Variants in CDC42EP3 observed in about 807,000 individuals in gnomAD.
CDC42EP3 encodes CDC42 effector protein 3, also known as CDC42 effector protein (Rho GTPase binding) 3.
In CDC42EP3, 4 loss-of-function variants were observed where a neutral mutation model predicts 15.5. The ratio of observed to expected loss-of-function variants is 0.26; its 90% CI spans 0.13 to 0.59. CDC42EP3 has a LOEUF of 0.59. Among genes scored for constraint, CDC42EP3 ranks in the 20% least tolerant of loss-of-function variants. The pLI is 0.89. For missense variants in CDC42EP3, 309 were observed against 311.2 expected (o/e 0.99, Z 0.05); for synonymous variants, 145 against 130.3 (o/e 1.11, Z -0.77).
intron 1 of CDC42EP3, among the ~76,000 whole-genome samples, chr2:37,662,851 C>T (rs1319677099): frequency 1.3e-5 from 2 of 152,300 alleles, no homozygotes; most frequent in African/African-American, 2.4e-5. Flanking sequence ...CCAGTTCAAC[C>T]CATGGGAAGC....
intron 1 of CDC42EP3, among the ~76,000 whole-genome samples, chr2:37,660,935 T>TCCATATGGGAAGTC (rs1666037571): frequency 6.6e-6 from 1 of 152,144 alleles, no homozygotes; most frequent in Admixed American, 6.5e-5. Context: ...GGAAGGGACT[T>TCCATATGGGAAGTC]CATACCATAT....
At chr2:37,647,900 C>T (rs1417036952) in intron 1 of CDC42EP3, among the ~76,000 whole-genome samples, 1 of 152,128 alleles carries the variant, frequency 6.6e-6, no homozygotes, top group East Asian at 1.9e-4. Context: ...ATCTTTTCCC[C>T]AGTTGAGCCT....
intron 1 of CDC42EP3, among the ~76,000 whole-genome samples, chr2:37,653,776 A>T (rs3731851): frequency 0.34 from 51,427 of 151,754 alleles, 10,688 homozygotes; most frequent in East Asian, 0.57. Flanking sequence ...AAAAAAAAAA[A>T]TTGCATCCTG....
chr2:37,669,026 C>A (rs927148998), intron 1 of CDC42EP3, among the ~76,000 whole-genome samples: 5 of 151,994 alleles, frequency 3.3e-5, no homozygotes, highest in African/African-American at 1.2e-4. Flanking sequence ...AAAAGAAATA[C>A]AGGTTCACAG....
At chr2:37,660,892 G>T (rs1482172862) in intron 1 of CDC42EP3, among the ~76,000 whole-genome samples, 2 of 152,100 alleles carry the variant, frequency 1.3e-5, no homozygotes, top group Non-Finnish European at 2.9e-5. Context: ...CTGTCAAAGG[G>T]AAATGGAAGG....
intron 1 of CDC42EP3, among the ~76,000 whole-genome samples, chr2:37,661,153 T>C (rs986234983): frequency 6.6e-6 from 1 of 151,648 alleles, no homozygotes; most frequent in Admixed American, 6.6e-5. Flanking sequence ...TGTGTGTATA[T>C]ATATATACAC....
intron 1 of CDC42EP3, among the ~76,000 whole-genome samples, chr2:37,670,618 C>G (rs1256436949): frequency 6.6e-6 from 1 of 152,130 alleles, no homozygotes; most frequent in Non-Finnish European, 1.5e-5. Flanking sequence ...GTCCCAGCCA[C>G]AGCCTGGCTC....
chr2:37,657,001 C>CCGCCG (rs1553317252), intron 1 of CDC42EP3, among the ~76,000 whole-genome samples: 2 of 103,212 alleles, frequency 1.9e-5, no homozygotes, highest in African/African-American at 8.5e-5. Context: ...CCCCCCGCCC[C>CCGCCG]CCGCCATCCT....
At chr2:37,659,456 G>C (rs1169006925) in intron 1 of CDC42EP3, among the ~76,000 whole-genome samples, 3 of 152,178 alleles carry the variant, frequency 2.0e-5, no homozygotes, top group African/African-American at 7.2e-5. Flanking sequence ...AATTCTACAG[G>C]ACCATACAGA....
chr2:37,647,011 C>T (rs370077904), intron 1 of CDC42EP3, among the ~76,000 whole-genome samples, 189 bp from the exon 2 acceptor site: 4 of 152,316 alleles, frequency 2.6e-5, no homozygotes, highest in South Asian at 4.1e-4. Context: ...ACCTAAAAAC[C>T]CCATATCTAT....
At chr2:37,649,948 T>A (rs935199631) in intron 1 of CDC42EP3, among the ~76,000 whole-genome samples, 5 of 152,162 alleles carry the variant, frequency 3.3e-5, no homozygotes, top group African/African-American at 1.2e-4. Context: ...AATATTTACA[T>A]CATATTTACT....
In CDC42EP3 at chr2:37,643,310, A is replaced by G. The variant is rs1437159454; in HGVS notation, c.*2513T>C. The G allele has an allele frequency of 6.6e-6, 1 of 152,240 alleles. No homozygotes were observed. The highest frequency in any genetic ancestry group is 2.4e-5 in the African/African-American group (1 of 41,444). The allele number at this position is 152,240 out of a possible 1,614,324, so 9.4% of individuals were successfully genotyped here. ...AGTCCACCTGCTCTCAGGGGAAGGG[A>G]CCAGGCATTGGAAAGGCTGCCTCGG... On this transcript the variant is annotated 3_prime_UTR_variant, in exon 2 of 2. Transcript: ENST00000295324.
At chr2:37,648,693 C>T (rs749618224) in intron 1 of CDC42EP3, among the ~76,000 whole-genome samples, 43 of 152,236 alleles carry the variant, frequency 2.8e-4, no homozygotes, top group Admixed American at 1.2e-3. Context: ...TCCTGACACT[C>T]GTTCTCATAG....
Position 37,662,264 on chromosome 2 carries a change from G to C in CDC42EP3, c.-236+9162C>G, listed in dbSNP as rs184472297. 9.2e-5 allele frequency among the ~76,000 whole-genome samples: 14 copies of C among 152,222 alleles called. No homozygotes were observed. The East Asian group carries it at 2.7e-3, about 29-fold the overall frequency. On this transcript the variant is annotated intron_variant, in intron 1 of 1. Transcript: ENST00000295324. ...GTGTCCCCATCTGTGAAGTGCAAAT[G>C]GCAAAGGTGGGAGTCTTCCTGGGTA...
chr2:37,654,990 A>G (rs1424835090), intron 1 of CDC42EP3, among the ~76,000 whole-genome samples: 1 of 152,230 alleles, frequency 6.6e-6, no homozygotes, highest in East Asian at 1.9e-4. Context: ...TGTAACCAGA[A>G]GCACCCAGTA....
intron 1 of CDC42EP3, among the ~76,000 whole-genome samples, chr2:37,652,937 G>T (rs1250731104): frequency 1.3e-5 from 2 of 152,032 alleles, no homozygotes; most frequent in African/African-American, 4.8e-5. Flanking sequence ...ACAGACAAAG[G>T]TTCTTATAGT....
At chr2:37,646,982 G>GA (rs1331966220) in intron 1 of CDC42EP3, among the ~76,000 whole-genome samples, 160 bp from the exon 2 acceptor site, 1 of 152,164 alleles carries the variant, frequency 6.6e-6, no homozygotes, top group Non-Finnish European at 1.5e-5. Context: ...TCATCTTAGA[G>GA]AAAACAGGAA....
intron 1 of CDC42EP3, among the ~76,000 whole-genome samples, chr2:37,657,718 C>T (rs1413824224): frequency 6.6e-6 from 1 of 152,194 alleles, no homozygotes; most frequent in East Asian, 1.9e-4. Context: ...CTGTCTACAG[C>T]TCAGTGGGGT....
chr2:37,665,709 T>C (rs1666227934), intron 1 of CDC42EP3, among the ~76,000 whole-genome samples: 1 of 152,208 alleles, frequency 6.6e-6, no homozygotes, highest in South Asian at 2.1e-4. Flanking sequence ...ATGTGGAAGC[T>C]GTCTAAATAG....
Sources: gnomAD v4.1 joint callset for allele counts (sites outside exome capture counted in the v4.1 genomes callset) on GRCh38, gnomAD v4.1.1 for gene constraint, MANE v1.5 for transcripts, NCBI Gene and HGNC (gene_info 2026-07-23, HGNC 2026-07-21) for gene names.